Variants in AMELY observed in about 807,000 individuals in gnomAD.
AMELY encodes the protein amelogenin, Y isoform.
AMELY carries 4 observed loss-of-function variants against 4.2 expected under a neutral mutation model. The ratio of observed to expected loss-of-function variants is 0.96; its 90% CI spans 0.47 to 2.19. The LOEUF (loss-of-function observed/expected upper bound fraction) is 2.19, where lower values mean the gene tolerates loss of function less well. AMELY is among the 30% of genes most tolerant of loss of function. The pLI, the probability that AMELY is intolerant of heterozygous loss-of-function variation, is 0.02. For missense variants in AMELY, 32 were observed against 41.5 expected, an observed-to-expected ratio of 0.77 and a Z score of 0.63; for synonymous variants, 11 against 14.7, an observed-to-expected ratio of 0.75 and a Z score of 0.57.
rs368120358 is a variant in AMELY, at chrY:6,893,524, T to C, written c.-113+18149A>G. 1.8e-3 allele frequency among the ~76,000 whole-genome samples: 61 copies of C among 33,342 alleles called. No homozygotes were observed. The East Asian group carries it at 0.047, about 26-fold the overall frequency. The allele number at this position is 33,342 out of a possible 37,273, so 89.5% of individuals were successfully genotyped here. A position where few individuals can be genotyped will look rare whatever the true frequency, so the allele number is the denominator to read the frequency against. On this transcript the variant is annotated intron_variant, in intron 1 of 6. Coordinates refer to ENST00000651267, the MANE Select transcript of AMELY (RefSeq NM_001143.2). ...TCACAAGACGTGTATTTGCAAACCC[T>C]ACGTGGAAGGCAGGAACCTCCAAGG...
chrY:6,892,789 T>C, intron 1 of AMELY, among the ~76,000 whole-genome samples: 2 of 33,658 alleles, frequency 5.9e-5, no homozygotes, highest in Admixed American at 2.7e-4. Flanking sequence ...CATAGCTCAG[T>C]CAGTCAGTAA....
chrY:6,909,882 T>C, intron 1 of AMELY, among the ~76,000 whole-genome samples: 1 of 33,131 alleles, frequency 3.0e-5, no homozygotes, highest in Admixed American at 2.8e-4. Context: ...GCTCATCATA[T>C]ACTAAAAGGA....
chrY:6,909,563 GACTGTGT>G (rs2011676860), intron 1 of AMELY, among the ~76,000 whole-genome samples: 1 of 33,493 alleles, frequency 3.0e-5, no homozygotes, highest in Non-Finnish European at 7.4e-5. Flanking sequence ...CAATTATGGA[GACTGTGT>G]ATGTGTATTT....
At chrY:6,877,568 C>G in intron 1 of AMELY, among the ~76,000 whole-genome samples, 1 of 33,032 alleles carries the variant, frequency 3.0e-5, no homozygotes, top group Admixed American at 2.8e-4. Flanking sequence ...CCTATGTGTT[C>G]CTCCACCACT....
chrY:6,884,725 A>G, intron 1 of AMELY, among the ~76,000 whole-genome samples: 1 of 33,663 alleles, frequency 3.0e-5, no homozygotes, highest in East Asian at 7.8e-4. Context: ...ATCAAAAAGG[A>G]CAAATAAAGG....
At chrY:6,869,970 C>A in intron 4 of AMELY, 36 bp downstream of exon 4, 2 of 378,969 alleles carry the variant, frequency 5.3e-6, no homozygotes, top group Non-Finnish European at 7.5e-6. Flanking sequence ...ACTGCTAATG[C>A]AAACAGTGAT....
chrY:6,907,401 G>A, intron 1 of AMELY, among the ~76,000 whole-genome samples: 1 of 28,720 alleles, frequency 3.5e-5, no homozygotes, highest in Admixed American at 3.1e-4. Context: ...AGTAATTGCC[G>A]AACCCAAGGT....
chrY:6,887,180 C>A, intron 1 of AMELY, among the ~76,000 whole-genome samples: 1 of 33,386 alleles, frequency 3.0e-5, no homozygotes, highest in African/African-American at 1.2e-4. Flanking sequence ...GAGTTTGTCA[C>A]TGCAGACCTA....
chrY:6,871,808 A>T, intron 3 of AMELY, among the ~76,000 whole-genome samples: 3 of 31,261 alleles, frequency 9.6e-5, no homozygotes, highest in Non-Finnish European at 2.3e-4. Context: ...AAATACAAAA[A>T]ATTAGCGCGG....
chrY:6,885,300 C>A, intron 1 of AMELY, among the ~76,000 whole-genome samples: 1 of 33,313 alleles, frequency 3.0e-5, no homozygotes, highest in African/African-American at 1.2e-4. Flanking sequence ...ACAGTGAAAC[C>A]CCGTCTCTAC....
intron 1 of AMELY, among the ~76,000 whole-genome samples, chrY:6,906,762 C>CT (rs2011664977): frequency 2.5e-4 from 7 of 27,812 alleles, no homozygotes; most frequent in South Asian, 2.5e-3. Flanking sequence ...AACATCGTTT[C>CT]TTTTTTTTTT....
At chrY:6,875,727 G>A in intron 1 of AMELY, among the ~76,000 whole-genome samples, 8 of 33,243 alleles carry the variant, frequency 2.4e-4, no homozygotes, top group Admixed American at 2.0e-3. Flanking sequence ...AGGCTTTAGC[G>A]TATTTGTAGA....
chrY:6,896,115 T>C (rs80018729), intron 1 of AMELY, among the ~76,000 whole-genome samples: 3 of 33,443 alleles, frequency 9.0e-5, no homozygotes, highest in Non-Finnish European at 1.5e-4. Flanking sequence ...ATCCTGAGAC[T>C]TTGCTGAAGT....
intron 1 of AMELY, among the ~76,000 whole-genome samples, chrY:6,887,406 T>C (rs2054080672): frequency 2.9e-5 from 1 of 34,071 alleles, no homozygotes; most frequent in Non-Finnish European, 7.3e-5. Context: ...TGTTTTAAGA[T>C]GTAAATTTGT....
At chrY:6,883,736 G>C (rs569472345) in intron 1 of AMELY, among the ~76,000 whole-genome samples, 2,887 of 33,081 alleles carry the variant, frequency 0.087, no homozygotes, top group Non-Finnish European at 0.031. Flanking sequence ...AATAATGATT[G>C]AACTCAGCAA....
intron 6 of AMELY, 107 bp downstream of exon 6, chrY:6,867,930 A>G (rs2054063127): frequency 4.3e-6 from 1 of 234,265 alleles, no homozygotes; most frequent in African/African-American, 7.9e-5. Context: ...ATCTGTAACT[A>G]CTACAACTCT....
At chrY:6,910,615 T>A (rs774277012) in intron 1 of AMELY, 7 of 46,362 alleles carry the variant, frequency 1.5e-4, no homozygotes, top group African/African-American at 7.9e-4. Context: ...CCAGTGGTGG[T>A]CACCGCCAGT....
intron 1 of AMELY, among the ~76,000 whole-genome samples, chrY:6,885,283 T>C (rs942211516): frequency 3.0e-4 from 10 of 33,170 alleles, no homozygotes; most frequent in Non-Finnish European, 5.2e-4. Context: ...ATCGAGACCA[T>C]CCTAACACAG....
At chrY:6,889,779 CA>C (rs557419475) in intron 1 of AMELY, among the ~76,000 whole-genome samples, 4 of 22,358 alleles carry the variant, frequency 1.8e-4, no homozygotes, top group Admixed American at 4.2e-4. Context: ...GACTCTGTCT[CA>C]AAAAAAAAAA....
Sources: gnomAD v4.1 joint callset for allele counts (sites outside exome capture counted in the v4.1 genomes callset) on GRCh38, gnomAD v4.1.1 for gene constraint, MANE v1.5 for transcripts, NCBI Gene and HGNC (gene_info 2026-07-23, HGNC 2026-07-21) for gene names.